RAD51B: variants seen among roughly 807,000 people sequenced by gnomAD.
RAD51B encodes the protein DNA repair protein RAD51 homolog 2.
A neutral mutation model predicts 42.2 loss-of-function variants in RAD51B; 38 were observed. The observed-to-expected ratio is 0.90, with a 90% CI of 0.70 to 1.18. The LOEUF is 1.18. Ranked by LOEUF, RAD51B falls within the 50% of genes most tolerant of loss-of-function variation. RAD51B has a pLI of 0.00. For missense variants in RAD51B, 373 were observed against 400.7 expected, an observed-to-expected ratio of 0.93 and a Z score of 0.59; for synonymous variants, 154 against 145.2, an observed-to-expected ratio of 1.06 and a Z score of -0.43.
chr14:67,953,909 A>G (rs564951076), intron 7 of RAD51B, among the ~76,000 whole-genome samples: 1 of 152,238 alleles, frequency 6.6e-6, no homozygotes, highest in African/African-American at 2.4e-5. Flanking sequence ...AGAGAAAGGG[A>G]CAGGAAGAAA....
At chr14:68,056,406 C>T (rs904385151) in intron 7 of RAD51B, among the ~76,000 whole-genome samples, 4 of 151,958 alleles carry the variant, frequency 2.6e-5, no homozygotes, top group African/African-American at 9.7e-5. Context: ...GCCTCGGCCT[C>T]CCAAAGTGCT....
intron 7 of RAD51B, among the ~76,000 whole-genome samples, chr14:67,891,600 A>C (rs187466277): frequency 1.3e-5 from 2 of 151,998 alleles, no homozygotes; most frequent in African/African-American, 2.4e-5. Context: ...GACAAGCACA[A>C]ATTTTTTTTT....
At chr14:68,526,059 C>T (rs896243582) in intron 10 of RAD51B, among the ~76,000 whole-genome samples, 8 of 152,152 alleles carry the variant, frequency 5.3e-5, no homozygotes, top group South Asian at 2.1e-4. Flanking sequence ...ACCATCATAG[C>T]GCCTCAGTTT....
At chr14:67,996,427 TAAA>T (rs1353549439) in intron 7 of RAD51B, among the ~76,000 whole-genome samples, 1 of 150,300 alleles carries the variant, frequency 6.7e-6, no homozygotes, top group Non-Finnish European at 1.5e-5. Context: ...AATAAATAAA[TAAA>T]TAAATAAATA....
At chr14:68,440,208 C>A (rs186978248) in intron 9 of RAD51B, among the ~76,000 whole-genome samples, 1 of 152,284 alleles carries the variant, frequency 6.6e-6, no homozygotes, top group African/African-American at 2.4e-5. Flanking sequence ...TGAATTGGAG[C>A]ATTCTGAGTT....
At chr14:67,848,559 G>A (rs760101297) in intron 4 of RAD51B, among the ~76,000 whole-genome samples, 8 of 152,012 alleles carry the variant, frequency 5.3e-5, no homozygotes, top group East Asian at 1.9e-4. Context: ...TGTCTTTTAA[G>A]TGGGGTGTTT....
intron 8 of RAD51B, among the ~76,000 whole-genome samples, chr14:68,345,879 C>G (rs1020144700): frequency 6.6e-6 from 1 of 152,148 alleles, no homozygotes; most frequent in African/African-American, 2.4e-5. Context: ...AGGCTGGCCT[C>G]GAACTCCTGA....
At chr14:68,589,991 G>A (rs1890667519) in intron 10 of RAD51B, among the ~76,000 whole-genome samples, 1 of 152,068 alleles carries the variant, frequency 6.6e-6, no homozygotes, top group Admixed American at 6.5e-5. Flanking sequence ...ATTTCTTAAT[G>A]TTGCACTGAC....
chr14:68,665,743 C>G (rs1893020315), intron 11 of RAD51B, among the ~76,000 whole-genome samples: 1 of 152,208 alleles, frequency 6.6e-6, no homozygotes, highest in African/African-American at 2.4e-5. Flanking sequence ...TTTAAGCTTT[C>G]TTATTTAAGT....
At chr14:67,888,605 T>C (rs2043130609) in intron 7 of RAD51B, among the ~76,000 whole-genome samples, 1 of 151,988 alleles carries the variant, frequency 6.6e-6, no homozygotes, top group Admixed American at 6.6e-5. Flanking sequence ...AAAATATATA[T>C]ATATATTTGA....
intron 10 of RAD51B, among the ~76,000 whole-genome samples, chr14:68,584,487 T>C (rs898298980): frequency 1.3e-5 from 2 of 152,198 alleles, no homozygotes; most frequent in Non-Finnish European, 2.9e-5. Context: ...TCCCATAGCA[T>C]TGCCCTCCTG....
intron 10 of RAD51B, among the ~76,000 whole-genome samples, chr14:68,520,104 A>AAAACAAAC (rs58074457): frequency 7.3e-5 from 11 of 151,708 alleles, no homozygotes; most frequent in East Asian, 1.9e-4. Context: ...CAGCCAAAAC[A>AAAACAAAC]AAACAAACAA....
At chr14:67,850,058 G>A (rs2041753512) in intron 4 of RAD51B, among the ~76,000 whole-genome samples, 1 of 152,062 alleles carries the variant, frequency 6.6e-6, no homozygotes. Context: ...GAAGTACAGT[G>A]AATCATGTCC....
intron 7 of RAD51B, among the ~76,000 whole-genome samples, chr14:68,158,727 G>A (rs2078571088): frequency 1.3e-5 from 2 of 152,276 alleles, no homozygotes; most frequent in South Asian, 4.1e-4. Context: ...AGAAAACCTG[G>A]ATTTATTTTT....
chr14:68,146,947 A>C (rs749020881), intron 7 of RAD51B, among the ~76,000 whole-genome samples: 1 of 152,224 alleles, frequency 6.6e-6, no homozygotes. Context: ...GGATAATCAA[A>C]TATGACCAGG....
chr14:68,264,559 A>C (rs2139560669), intron 7 of RAD51B, among the ~76,000 whole-genome samples: 1 of 152,342 alleles, frequency 6.6e-6, no homozygotes, highest in South Asian at 2.1e-4. Context: ...GAAGTACAGG[A>C]GGCATCTCCT....
intron 7 of RAD51B, among the ~76,000 whole-genome samples, chr14:68,041,201 C>T (rs896972915): frequency 3.3e-5 from 5 of 152,182 alleles, no homozygotes; most frequent in Non-Finnish European, 7.4e-5. Flanking sequence ...GCATCCCCTT[C>T]GCCTCCTGCC....
At chr14:68,371,677 G>C (rs1293973149) in intron 8 of RAD51B, among the ~76,000 whole-genome samples, 1 of 152,140 alleles carries the variant, frequency 6.6e-6, no homozygotes, top group Non-Finnish European at 1.5e-5. Flanking sequence ...GTGAGACCCT[G>C]TCTCTACAAA....
intron 7 of RAD51B, among the ~76,000 whole-genome samples, chr14:68,166,377 C>T (rs1421597334): frequency 6.6e-6 from 1 of 151,776 alleles, no homozygotes; most frequent in Non-Finnish European, 1.5e-5. Flanking sequence ...AAATTTTTTT[C>T]ATTATATTTA....
Sources: gnomAD v4.1 joint callset for allele counts (sites outside exome capture counted in the v4.1 genomes callset) on GRCh38, gnomAD v4.1.1 for gene constraint, MANE v1.5 for transcripts, NCBI Gene and HGNC (gene_info 2026-07-23, HGNC 2026-07-21) for gene names.